RBFOX3: variants seen among roughly 807,000 people sequenced by gnomAD.
The protein encoded by RBFOX3 is RNA binding protein fox-1 homolog 3.
RBFOX3 carries 17 observed loss-of-function variants against 48.7 expected under a neutral mutation model. The ratio of observed to expected loss-of-function variants is 0.35; its 90% CI spans 0.24 to 0.52. The LOEUF is 0.52. Ranked by LOEUF, RBFOX3 falls within the 20% of genes least tolerant of loss-of-function variation. The pLI is 0.94. For missense variants in RBFOX3, 382 were observed against 497.5 expected (o/e 0.77, Z 2.21); for synonymous variants, 212 against 209.5 (o/e 1.01, Z -0.10).
intron 2 of RBFOX3, among the ~76,000 whole-genome samples, chr17:79,435,258 C>T (rs2069185509): frequency 6.6e-6 from 1 of 152,156 alleles, no homozygotes; most frequent in South Asian, 2.1e-4. Flanking sequence ...CATGGAATGG[C>T]ACCACATGGA....
chr17:79,420,028 G>A (rs2085683284), intron 2 of RBFOX3, among the ~76,000 whole-genome samples: 1 of 152,126 alleles, frequency 6.6e-6, no homozygotes, highest in African/African-American at 2.4e-5. Flanking sequence ...TCAGGAGGCT[G>A]AGGCAGGAGA....
At chr17:79,256,263 A>G (rs74615851) in intron 3 of RBFOX3, among the ~76,000 whole-genome samples, 2,406 of 152,078 alleles carry the variant, frequency 0.016, 70 homozygotes, top group African/African-American at 0.055. Context: ...ATTCCCATAA[A>G]CCGACCCTTC....
chr17:79,537,414 A>G (rs1555789017), intron 1 of RBFOX3, among the ~76,000 whole-genome samples: 1 of 152,152 alleles, frequency 6.6e-6, no homozygotes, highest in African/African-American at 2.4e-5. Context: ...TGAAATCTGT[A>G]AAGACCCTAT....
chr17:79,605,880 G>A (rs917258316), intron 1 of RBFOX3, among the ~76,000 whole-genome samples: 1,607 of 152,198 alleles, frequency 0.011, 29 homozygotes, highest in African/African-American at 0.036. Flanking sequence ...CAACCTACAC[G>A]GAAGGAGTGG....
chr17:79,399,328 C>T (rs887839259), intron 2 of RBFOX3, among the ~76,000 whole-genome samples: 1 of 152,232 alleles, frequency 6.6e-6, no homozygotes, highest in Non-Finnish European at 1.5e-5. Context: ...CACCGGGAGG[C>T]AAAGGTGCGT....
Position 79,481,690 on chromosome 17 carries a change from A to C in RBFOX3, c.-175+764T>G, listed in dbSNP as rs1389159214. Among the ~76,000 whole-genome samples, 1 of 152,136 alleles carries C rather than the reference A, an allele frequency of 6.6e-6. No homozygotes were observed. ...GTGAACCAGCAGGGTGGTGCATCCT[A>C]ACACCATGGGGAATGGGTGTGGATG... On this transcript the variant is annotated intron_variant, in intron 2 of 14. Transcript: ENST00000693108. This position sits in a 1 kb window ranked among gnomAD's most constrained non-coding sequence, Gnocchi z 5.4.
chr17:79,273,492 C>T (rs549699085), intron 3 of RBFOX3, among the ~76,000 whole-genome samples: 1 of 151,708 alleles, frequency 6.6e-6, no homozygotes, highest in Non-Finnish European at 1.5e-5. Context: ...CTGCCCTGTG[C>T]CCAGAGTCCC....
intron 2 of RBFOX3, among the ~76,000 whole-genome samples, chr17:79,342,247 G>GT (rs1325151246): frequency 7.9e-5 from 12 of 152,238 alleles, no homozygotes; most frequent in Non-Finnish European, 1.6e-4. Context: ...TTTGCGGCTT[G>GT]TCAGGGTGAC....
chr17:79,483,315 C>T (rs2079031842), intron 1 of RBFOX3, among the ~76,000 whole-genome samples: 1 of 151,826 alleles, frequency 6.6e-6, no homozygotes, highest in Non-Finnish European at 1.5e-5. Context: ...CTCCCTCTCT[C>T]CCCTGCAGCC....
chr17:79,555,341 T>C lies in RBFOX3; in HGVS notation c.-320+55485A>G, dbSNP rs2091559993. 7.7e-4 allele frequency among the ~76,000 whole-genome samples: 88 copies of C among 113,684 alleles called. 6 individuals are homozygous for C. Among genetic ancestry groups the C allele is most frequent in the Middle Eastern group, 0.01 (2 of 198 alleles). 74.6% of individuals were successfully genotyped at this position (113,684 alleles called of 152,430 possible). Reference sequence around the variant, plus strand: ...GTGGTGGTGATGGTGGTGATGATGGTAGTTGTGGTGGTGGTGATGGTGGTG... The same window carrying C: ...GTGGTGGTGATGGTGGTGATGATGGCAGTTGTGGTGGTGGTGATGGTGGTG... On this transcript the variant is annotated intron_variant, in intron 1 of 14. Transcript: ENST00000693108.
chr17:79,162,247 A>G (rs947849289), intron 4 of RBFOX3, among the ~76,000 whole-genome samples: 3 of 152,334 alleles, frequency 2.0e-5, no homozygotes, highest in African/African-American at 7.2e-5. Flanking sequence ...TTTAATTTGT[A>G]ATCTGGGAGT....
At chr17:79,293,012 G>T (rs2073641071) in intron 3 of RBFOX3, among the ~76,000 whole-genome samples, 2 of 152,028 alleles carry the variant, frequency 1.3e-5, no homozygotes, top group Admixed American at 1.3e-4. Context: ...GAGTTTGCTT[G>T]GCTGGAACAT....
rs3046721 is a variant in RBFOX3 at position 79,200,162 on chromosome 17, C to CAAAAAA, written c.-34+35598_-34+35603dup. 9.6e-3 allele frequency among the ~76,000 whole-genome samples: 1,046 copies of CAAAAAA among 108,792 alleles called. 30 individuals carry two copies. Among genetic ancestry groups the CAAAAAA allele is most frequent in the Non-Finnish European group, 0.014 (753 of 54,386 alleles). The allele number at this position is 108,792 out of a possible 152,430, so 71.4% of individuals were successfully genotyped here. A position where few individuals can be genotyped will look rare whatever the true frequency, so the allele number is the denominator to read the frequency against. On this transcript the variant is annotated intron_variant, in intron 4 of 14. Transcript: ENST00000693108. ...TGGGTGACAGAGCGAGACTCCGTCT[C>CAAAAAA]AAAAAAAAAAAAAAAAAAAAATTGG...
rs143740798 is a variant in RBFOX3 at position 79,228,094 on chromosome 17, G to A, written c.-34+7672C>T. 5.6e-3 allele frequency among the ~76,000 whole-genome samples: 857 copies of A among 152,272 alleles called. 6 individuals carry two copies. Among genetic ancestry groups the A allele is most frequent in the Middle Eastern group, 0.01 (3 of 294 alleles). On this transcript the variant is annotated intron_variant, in intron 4 of 14. Coordinates refer to ENST00000693108, the MANE Select transcript of RBFOX3 (RefSeq NM_001350451.2). Reference sequence around the variant, plus strand: ...CTTCCCTGCCCTTCCTCCGTAGGACGGAGCCTGGCCTGCTCCTCCTTCTAA... The same window carrying A: ...CTTCCCTGCCCTTCCTCCGTAGGACAGAGCCTGGCCTGCTCCTCCTTCTAA...
chr17:79,557,596 T>C (rs2091878175), intron 1 of RBFOX3, among the ~76,000 whole-genome samples: 1 of 152,202 alleles, frequency 6.6e-6, no homozygotes, highest in African/African-American at 2.4e-5. Flanking sequence ...CCCATTTTCA[T>C]AGGTGCCACC....
At chr17:79,550,667 A>C (rs1296107064) in intron 1 of RBFOX3, among the ~76,000 whole-genome samples, 1 of 152,194 alleles carries the variant, frequency 6.6e-6, no homozygotes, top group East Asian at 1.9e-4. Context: ...ATGGATTAAA[A>C]GACGGATGGA....
intron 2 of RBFOX3, among the ~76,000 whole-genome samples, chr17:79,353,166 C>A (rs75483588): frequency 0.029 from 4,468 of 152,324 alleles, 245 homozygotes; most frequent in African/African-American, 0.1. Context: ...TCGCCCTGAA[C>A]AGCACATCAG....
chr17:79,523,942 C>T (rs1455711731), intron 1 of RBFOX3, among the ~76,000 whole-genome samples: 2 of 152,222 alleles, frequency 1.3e-5, no homozygotes, highest in African/African-American at 4.8e-5. Flanking sequence ...CACTGGAAAA[C>T]GGGGCCAGAC....
chr17:79,181,468 T>C (rs1028916264), intron 4 of RBFOX3, among the ~76,000 whole-genome samples: 2 of 152,204 alleles, frequency 1.3e-5, no homozygotes, highest in East Asian at 3.9e-4. Flanking sequence ...ACTGGGAATT[T>C]AGGGCAATGG....
Sources: allele counts gnomAD v4.1 joint callset (sites outside exome capture counted in the v4.1 genomes callset), GRCh38; gene constraint gnomAD v4.1.1; non-coding constraint Gnocchi (gnomAD v3.1); transcripts MANE v1.5; gene names NCBI Gene and HGNC (gene_info 2026-07-23, HGNC 2026-07-21).